The following MAGI2 variants were observed in gnomAD, a reference collection of about 807,000 sequenced individuals.
MAGI2 encodes the protein membrane associated guanylate kinase, WW and PDZ domain containing 2, also known as membrane-associated guanylate kinase, WW and PDZ domain-containing protein 2.
Under a neutral mutation model 133.3 loss-of-function variants are expected in MAGI2, and 35 were observed. The observed-to-expected ratio is 0.26, with a 90% confidence interval of 0.20 to 0.35. The LOEUF is 0.35. MAGI2 is among the 10% of genes least tolerant of loss of function. MAGI2 has a pLI of 1.00. For synonymous variants in MAGI2, 729 were observed against 710.6 expected (o/e 1.03, Z -0.41); for missense variants, 1,636 against 1,863.4 (o/e 0.88, Z 2.25).
intron 8 of MAGI2, 33 bp downstream of exon 8, chr7:78,345,889 C>G: frequency 1.2e-6 from 2 of 1,607,058 alleles, no homozygotes; most frequent in Non-Finnish European, 8.5e-7. Context: ...ACAATTTTCC[C>G]TTTGAAACAT....
chr7:78,327,984 A>G (rs1788756837), intron 9 of MAGI2, among the ~76,000 whole-genome samples: 1 of 152,128 alleles, frequency 6.6e-6, no homozygotes, highest in African/African-American at 2.4e-5. Context: ...ACCATGAAAA[A>G]TCAGTTTTGT....
chr7:78,806,589 A>G (rs1788594762), intron 2 of MAGI2, among the ~76,000 whole-genome samples: 1 of 152,056 alleles, frequency 6.6e-6, no homozygotes, highest in South Asian at 2.1e-4. Context: ...TGATGGGGCC[A>G]TCAAGGTGAC....
intron 9 of MAGI2, among the ~76,000 whole-genome samples, chr7:78,271,182 T>G (rs1252695380): frequency 6.6e-6 from 1 of 152,026 alleles, no homozygotes; most frequent in African/African-American, 2.4e-5. Flanking sequence ...CATGAAGGGG[T>G]GTTGAATTTT....
At chr7:78,295,541 G>C (rs1034230195) in intron 9 of MAGI2, among the ~76,000 whole-genome samples, 3 of 152,072 alleles carry the variant, frequency 2.0e-5, no homozygotes, top group African/African-American at 7.2e-5. Context: ...TATCTTCCTC[G>C]AGGAATTTCT....
At chr7:78,639,269 A>G (rs1391822718) in intron 2 of MAGI2, among the ~76,000 whole-genome samples, 1 of 152,228 alleles carries the variant, frequency 6.6e-6, no homozygotes, top group Non-Finnish European at 1.5e-5. Context: ...AGGGCAGTTA[A>G]CTATCCAGGG....
At chr7:78,474,239 G>A (rs1295401215) in intron 6 of MAGI2, among the ~76,000 whole-genome samples, 3 of 151,930 alleles carry the variant, frequency 2.0e-5, no homozygotes, top group South Asian at 2.1e-4. Context: ...TCTACAAATC[G>A]TGTAAAGGAA....
chr7:78,419,934 A>T (rs1798646261), intron 6 of MAGI2, among the ~76,000 whole-genome samples: 1 of 152,150 alleles, frequency 6.6e-6, no homozygotes, highest in South Asian at 2.1e-4. Context: ...TCCTGATCAG[A>T]TGAGTTCAGT....
At chr7:78,465,909 G>A (rs1457464891) in intron 6 of MAGI2, among the ~76,000 whole-genome samples, 9 of 152,066 alleles carry the variant, frequency 5.9e-5, no homozygotes, top group African/African-American at 9.7e-5. Context: ...CACTTCGGCC[G>A]TAAAGCAAGA....
At chr7:78,103,458 G>A (rs546426092) in intron 20 of MAGI2, among the ~76,000 whole-genome samples, 55 of 152,232 alleles carry the variant, frequency 3.6e-4, no homozygotes, top group Non-Finnish European at 7.2e-4. Flanking sequence ...CATCATACTT[G>A]CAACAATTTA....
At chr7:78,314,040 A>T (rs1029883968) in intron 9 of MAGI2, among the ~76,000 whole-genome samples, 3 of 152,150 alleles carry the variant, frequency 2.0e-5, no homozygotes, top group African/African-American at 7.2e-5. Context: ...CATTAAAAAG[A>T]TTAATCAAAC....
chr7:78,834,725 A>T (rs986427542), intron 2 of MAGI2, among the ~76,000 whole-genome samples: 3 of 152,176 alleles, frequency 2.0e-5, no homozygotes, highest in African/African-American at 7.2e-5. Context: ...CCCAAATTGC[A>T]TATTGAAATG....
chr7:78,153,697 G>A (rs1447353380), intron 16 of MAGI2, among the ~76,000 whole-genome samples: 1 of 152,126 alleles, frequency 6.6e-6, no homozygotes, highest in Non-Finnish European at 1.5e-5. Flanking sequence ...TATGATCTAG[G>A]CCTCAAACTT....
chr7:79,453,325 G>T lies in MAGI2; in HGVS notation c.-5C>A, dbSNP rs767780123. The T allele has an allele frequency of 6.2e-7, 1 of 1,600,022 alleles. No homozygotes were observed. Among genetic ancestry groups the T allele is most frequent in the Non-Finnish European group, 8.5e-7 (1 of 1,172,110 alleles). On this transcript the variant is annotated 5_prime_UTR_variant, in exon 1 of 22. The change creates a new upstream start codon in the 5' untranslated region. Transcript: ENST00000354212. ...CTTTTTCAAGCTTTTGGACATGGCA[G>T]TGGGGCGAGTCGCCTCAGTTCCTGG...
chr7:79,035,211 C>T lies in MAGI2; in HGVS notation c.302-28005G>A, dbSNP rs1169252905. Among the ~76,000 whole-genome samples the T allele has an allele frequency of 1.9e-4, 7 of 36,052 alleles. No individual in the cohort carries two copies. The South Asian group carries it at 2.4e-3, about 13-fold the overall frequency. 23.7% of individuals were successfully genotyped at this position (36,052 alleles called of 152,430 possible). A position where few individuals can be genotyped will look rare whatever the true frequency, so the allele number is the denominator to read the frequency against. On this transcript the variant is annotated intron_variant, in intron 1 of 21. Transcript: ENST00000354212. ...AAAAGTGTGTGTGTGTGTGTGGTGG[C>T]GGCGGGGGCAGGGGGGGTGGTGGGC...
intron 2 of MAGI2, among the ~76,000 whole-genome samples, chr7:78,743,420 C>T (rs929393121): frequency 7.9e-5 from 12 of 152,152 alleles, no homozygotes; most frequent in Admixed American, 7.9e-4. Flanking sequence ...AAAGAACCTT[C>T]CTTGTTCAAG....
intron 1 of MAGI2, among the ~76,000 whole-genome samples, chr7:79,165,025 T>C (rs1824778069): frequency 6.6e-6 from 1 of 152,226 alleles, no homozygotes; most frequent in East Asian, 1.9e-4. Flanking sequence ...ATGAAAAACC[T>C]CTCTTGTTTC....
intron 1 of MAGI2, among the ~76,000 whole-genome samples, chr7:79,260,876 C>A (rs1372798264): frequency 6.6e-6 from 1 of 152,184 alleles, no homozygotes; most frequent in Non-Finnish European, 1.5e-5. Flanking sequence ...TGGTCCCAAG[C>A]ATTTCCGATA....
At chr7:78,868,383 T>A (rs1375903712) in intron 2 of MAGI2, among the ~76,000 whole-genome samples, 2 of 152,154 alleles carry the variant, frequency 1.3e-5, no homozygotes, top group Admixed American at 6.5e-5. Context: ...TATCCCTAGG[T>A]TCACAAAGAA....
intron 2 of MAGI2, among the ~76,000 whole-genome samples, chr7:78,936,355 G>T (rs1800516887): frequency 6.6e-6 from 1 of 151,832 alleles, no homozygotes; most frequent in African/African-American, 2.4e-5. Context: ...ATGGAAAACA[G>T]ACTTTCCTAC....
Sources: allele counts gnomAD v4.1 joint callset (sites outside exome capture counted in the v4.1 genomes callset), GRCh38; gene constraint gnomAD v4.1.1; transcripts MANE v1.5; gene names NCBI Gene and HGNC (gene_info 2026-07-23, HGNC 2026-07-21).